LARP6: variants seen among roughly 807,000 people sequenced by gnomAD.
LARP6 encodes la-related protein 6.
A neutral mutation model predicts 32.8 loss-of-function variants in LARP6; 18 were observed. The observed-to-expected ratio is 0.55, with a 90% CI of 0.38 to 0.81. LARP6 has a LOEUF of 0.81. LARP6 is among the 40% of genes least tolerant of loss of function. The probability of loss-of-function intolerance (pLI) is 0.00; values close to 1 mark genes in which losing one functional copy is unlikely to be tolerated. For synonymous variants in LARP6, 289 were observed against 267.2 expected (o/e 1.08, Z -0.80); for missense variants, 598 against 663.1 (o/e 0.90, Z 1.08).
intron 1 of LARP6, among the ~76,000 whole-genome samples, chr15:70,840,929 T>A (rs905298327): frequency 5.3e-5 from 8 of 150,928 alleles, no homozygotes; most frequent in Admixed American, 4.0e-4. Context: ...TTTTTTTTTT[T>A]AAGAGACAGA....
At chr15:70,835,196 A>C (rs1402795520) in intron 2 of LARP6, among the ~76,000 whole-genome samples, 1 of 152,238 alleles carries the variant, frequency 6.6e-6, no homozygotes, top group African/African-American at 2.4e-5. Context: ...CTCATCCTCC[A>C]AAATCCTATT....
At chr15:70,852,530 A>T (rs1012482924) in intron 1 of LARP6, among the ~76,000 whole-genome samples, 1 of 152,300 alleles carries the variant, frequency 6.6e-6, no homozygotes, top group South Asian at 2.1e-4. Flanking sequence ...TAAAGTTATA[A>T]GGATAAACCA....
chr15:70,839,388 G>A (rs904213457), intron 1 of LARP6, among the ~76,000 whole-genome samples: 5 of 151,418 alleles, frequency 3.3e-5, no homozygotes, highest in Non-Finnish European at 7.4e-5. Context: ...TACAGTGAGC[G>A]GAGATCGCAC....
rs754517152 is a variant in LARP6, at chr15:70,832,204, C to A, written c.1324G>T (p.Gly442Trp). The stretch of plus-strand genomic sequence containing the variant: ...GTACCGGGGCTTTTCTCCTGGGTCC[C>A]CATCTCGGCTTGGCGACGCCTCCGG... ...WVRRRRQAEM[G>W]TQEKSPGTSP... The change falls in exon 3 of 3, where the codon GGG becomes TGG. Residue 442 changes from glycine to tryptophan, a missense_variant. Around this residue, in one of 3 missense-constraint regions of LARP6, gnomAD observed 368 missense variants for 397.9 expected, o/e 0.92. Coordinates refer to ENST00000299213, the MANE Select transcript of LARP6 (RefSeq NM_018357.4). The A allele has an allele frequency of 1.2e-5, 19 of 1,614,046 alleles. No homozygotes were observed. Among genetic ancestry groups the A allele is most frequent in the Non-Finnish European group, 1.6e-5 (19 of 1,179,962 alleles).
chr15:70,852,347 A>G (rs2032491242), intron 1 of LARP6: 1 of 452,812 alleles, frequency 2.2e-6, no homozygotes, highest in African/African-American at 2.0e-5. Context: ...AGGAAGAGCA[A>G]GAGGGGTTCA....
At chr15:70,851,251 T>G (rs1281161684) in intron 1 of LARP6, among the ~76,000 whole-genome samples, 1 of 152,228 alleles carries the variant, frequency 6.6e-6, no homozygotes, top group African/African-American at 2.4e-5. Context: ...ACATTGTATA[T>G]CCATTCACCA....
At chr15:70,843,963 C>CT (rs1215191701) in intron 1 of LARP6, among the ~76,000 whole-genome samples, 2,303 of 107,110 alleles carry the variant, frequency 0.022, 62 homozygotes, top group African/African-American at 0.069. Context: ...ACCTTTTTTT[C>CT]TTTTTTTTTT....
At position 70,831,023 on chromosome 15, in the gene LARP6, C is replaced by T. The variant is rs1460536907; in HGVS notation, c.*1029G>A. The T allele has an allele frequency of 6.6e-6, 1 of 152,242 alleles. No homozygotes were observed. Among genetic ancestry groups the T allele is most frequent in the Non-Finnish European group, 1.5e-5 (1 of 68,058 alleles). 9.4% of individuals were successfully genotyped at this position (152,242 alleles called of 1,614,324 possible). On this transcript the variant is annotated 3_prime_UTR_variant, in exon 3 of 3. Transcript: ENST00000299213. ...GGGTCAAATGGACTGACCTCAAGTC[C>T]TGCAGCCTTTGTCCATCCAGTGGTT...
At chr15:70,835,493 C>A (rs1368421711) in intron 2 of LARP6, among the ~76,000 whole-genome samples, 4 of 152,196 alleles carry the variant, frequency 2.6e-5, no homozygotes, top group Admixed American at 6.5e-5. Flanking sequence ...GCAGAGTACA[C>A]CAGTGGGTGA....
At position 70,836,457 on chromosome 15, in the gene LARP6, C is replaced by T; in HGVS notation, c.249G>A (p.Gln83=). The T allele has an allele frequency of 6.2e-7, 1 of 1,614,214 alleles. No individual in the cohort carries two copies. Among genetic ancestry groups the T allele is most frequent in the Non-Finnish European group, 8.5e-7 (1 of 1,180,042 alleles). The change falls in exon 2 of 3, where the codon CAG becomes CAA. Residue 83 remains glutamine, a synonymous_variant. Coordinates refer to ENST00000299213, the MANE Select transcript of LARP6 (RefSeq NM_018357.4). The stretch of plus-strand genomic sequence containing the variant: ...ACTCCTCATCCGGGGGCTTCCACTC[C>T]TGCTCCAGGTCCTCACGCTCGTTCT... ...GGENEREDLE[Q]EWKPPDEELI...
In LARP6 at chr15:70,854,032, G is replaced by A. The variant is rs1483761201; in HGVS notation, c.57C>T (p.Arg19=). ...RPGPKTAVQI[R]VAIQEAEDVD... is the part of the protein sequence containing the mutation. Reference sequence around the variant, plus strand: ...CGTCCTCGGCCTCCTGGATGGCGACGCGGATCTGCACCGCCGTCTTGGGCC... The same window carrying A: ...CGTCCTCGGCCTCCTGGATGGCGACACGGATCTGCACCGCCGTCTTGGGCC... The change falls in exon 1 of 3, where the codon CGC becomes CGT. Residue 19 remains arginine (R), a synonymous_variant. Coordinates refer to ENST00000299213, the MANE Select transcript of LARP6 (RefSeq NM_018357.4). 3 of 1,452,430 alleles carry A rather than the reference G, an allele frequency of 2.1e-6. No homozygotes were observed. In the African/African-American group the frequency reaches 4.4e-5, roughly 21 times the overall value. The allele number at this position is 1,452,430 out of a possible 1,614,324, so 90.0% of individuals were successfully genotyped here.
chr15:70,847,296 A>C (rs983183590), intron 1 of LARP6, among the ~76,000 whole-genome samples: 4 of 152,170 alleles, frequency 2.6e-5, no homozygotes, highest in African/African-American at 4.8e-5. Context: ...TTATAGCTAT[A>C]AACCTGTGAG....
chr15:70,833,237 T>A, intron 2 of LARP6, 121 bp from the exon 3 acceptor site: 1 of 755,742 alleles, frequency 1.3e-6, no homozygotes, highest in Non-Finnish European at 2.2e-6. Flanking sequence ...TATTCTAGTG[T>A]CTAGAATCAT....
chr15:70,836,897 CG>C (rs896966431), intron 1 of LARP6, among the ~76,000 whole-genome samples: 5 of 152,228 alleles, frequency 3.3e-5, no homozygotes, highest in African/African-American at 1.2e-4. Context: ...ACCTTGATTT[CG>C]GGCTTCAGGC....
intron 1 of LARP6, among the ~76,000 whole-genome samples, chr15:70,839,840 T>G (rs2032220351): frequency 6.6e-6 from 1 of 152,198 alleles, no homozygotes; most frequent in Non-Finnish European, 1.5e-5. Flanking sequence ...CCCTTCCCCT[T>G]TTGTCTGCTT....
At chr15:70,840,301 A>G (rs1480457144) in intron 1 of LARP6, among the ~76,000 whole-genome samples, 1 of 152,188 alleles carries the variant, frequency 6.6e-6, no homozygotes, top group Non-Finnish European at 1.5e-5. Context: ...GCACTTTGGG[A>G]GGCTGAGGCA....
At chr15:70,836,558 C>A in intron 1 of LARP6, 53 bp from the exon 2 acceptor site, 1 of 1,486,404 alleles carries the variant, frequency 6.7e-7, no homozygotes, top group South Asian at 1.1e-5. Context: ...ACTGTGTCCC[C>A]CAAAAATTCA....
intron 1 of LARP6, chr15:70,853,344 T>C (rs1266702727): frequency 6.6e-6 from 1 of 151,284 alleles, no homozygotes; most frequent in Non-Finnish European, 1.5e-5. Flanking sequence ...CGTCTCAAAT[T>C]ACCTTGAAAT....
intron 1 of LARP6, among the ~76,000 whole-genome samples, chr15:70,844,338 G>A (rs558241702): frequency 3.9e-5 from 6 of 152,142 alleles, no homozygotes; most frequent in Admixed American, 1.3e-4. Flanking sequence ...TCCTTGCTAC[G>A]TGATATATTA....
Sources: allele counts gnomAD v4.1 joint callset (sites outside exome capture counted in the v4.1 genomes callset), GRCh38; gene constraint gnomAD v4.1.1; regional missense constraint gnomAD v4.1.1; transcripts MANE v1.5; gene names NCBI Gene and HGNC (gene_info 2026-07-23, HGNC 2026-07-21).